IGF1: variants seen among roughly 807,000 people sequenced by gnomAD.
IGF1 encodes the protein insulin like growth factor 1.
Under a neutral mutation model 13.8 loss-of-function variants are expected in IGF1, and 4 were observed. That is an observed-to-expected ratio of 0.29 (90% CI 0.14 to 0.66). The LOEUF (loss-of-function observed/expected upper bound fraction) is 0.66. IGF1 is among the 30% of genes least tolerant of loss of function. The probability of loss-of-function intolerance (pLI) is 0.78; values close to 1 mark genes in which losing one functional copy is unlikely to be tolerated. For missense variants in IGF1, 124 were observed against 188.5 expected (o/e 0.66, Z 2.00); for synonymous variants, 76 against 72.6 (o/e 1.05, Z -0.23).
intron 2 of IGF1, among the ~76,000 whole-genome samples, chr12:102,437,594 G>A (rs923639375): frequency 3.9e-4 from 59 of 152,222 alleles, no homozygotes; most frequent in African/African-American, 1.4e-3. Flanking sequence ...GTAGAGAGTA[G>A]AATAGTGGTC....
At chr12:102,464,435 T>G (rs1880152480) in intron 2 of IGF1, among the ~76,000 whole-genome samples, 1 of 148,692 alleles carries the variant, frequency 6.7e-6, no homozygotes, top group Non-Finnish European at 1.5e-5. Flanking sequence ...CAATATCAAA[T>G]CAAGAAATTT....
rs1156402222 is a variant in IGF1, at chr12:102,401,149, A to T, written c.*1358T>A. 1 of 152,210 alleles carries T rather than the reference A, an allele frequency of 6.6e-6. No individual in the cohort carries two copies. The highest frequency in any genetic ancestry group is 2.1e-4 in the South Asian group (1 of 4,826). The allele number at this position is 152,210 out of a possible 1,614,324, so 9.4% of individuals were successfully genotyped here. ...CCTTACAGCAACCCAGGGTAAAAAA[A>T]ATCTGAATCTTTATCTTTTTAAACC... On this transcript the variant is annotated 3_prime_UTR_variant, in exon 4 of 4. Transcript: ENST00000337514.
rs1472312658 is a variant in IGF1 at position 102,398,671 on chromosome 12, T to C, written c.*3836A>G. Reference sequence around the variant, plus strand: ...TGGTGAACAGTACACTACTTGTGAGTGATAAAAAGTTGAAAGGTGGTGGTG... The same window carrying C: ...TGGTGAACAGTACACTACTTGTGAGCGATAAAAAGTTGAAAGGTGGTGGTG... On this transcript the variant is annotated 3_prime_UTR_variant, in exon 4 of 4. Coordinates refer to ENST00000337514, the MANE Select transcript of IGF1 (RefSeq NM_000618.5). The C allele has an allele frequency of 6.6e-6, 1 of 152,202 alleles. No homozygotes were observed. The highest frequency in any genetic ancestry group is 1.5e-5 in the Non-Finnish European group (1 of 68,026). 9.4% of individuals were successfully genotyped at this position (152,202 alleles called of 1,614,324 possible).
intron 2 of IGF1, among the ~76,000 whole-genome samples, chr12:102,437,989 A>G (rs1031472279): frequency 6.6e-6 from 1 of 152,246 alleles, no homozygotes; most frequent in Non-Finnish European, 1.5e-5. Context: ...TTCACACTGG[A>G]CAGACAGATC....
At chr12:102,478,076 T>G (rs904771596) in intron 1 of IGF1, among the ~76,000 whole-genome samples, 2 of 151,228 alleles carry the variant, frequency 1.3e-5, no homozygotes, top group Non-Finnish European at 2.9e-5. Flanking sequence ...GAACCTCTAG[T>G]GCATTTTCCT....
Position 102,478,374 on chromosome 12 carries a change from G to GT in IGF1, c.63+1944dup, listed in dbSNP as rs1292607875. On this transcript the variant is annotated intron_variant, in intron 1 of 3. Coordinates refer to ENST00000337514, the MANE Select transcript of IGF1 (RefSeq NM_000618.5). ...TCATTCACAAACCCAAATTTTAAAA[G>GT]TTCTTTTTTTTTTAATCTTAGATAA... 1.2e-4 allele frequency: 75 copies of GT among 633,258 alleles called. No homozygotes were observed. The African/African-American group carries it at 2.1e-3, about 17-fold the overall frequency. 39.2% of individuals were successfully genotyped at this position (633,258 alleles called of 1,614,324 possible). A position where few individuals can be genotyped will look rare whatever the true frequency, so the allele number is the denominator to read the frequency against.
chr12:102,415,552 T>TTCCTTCCC (rs1875038991), intron 3 of IGF1, among the ~76,000 whole-genome samples: 1 of 123,456 alleles, frequency 8.1e-6, no homozygotes, highest in Non-Finnish European at 1.7e-5. Flanking sequence ...CTTTCCTTCC[T>TTCCTTCCC]TCCTTCCTTC....
At chr12:102,440,253 C>G (rs1592782637) in intron 2 of IGF1, among the ~76,000 whole-genome samples, 1 of 152,200 alleles carries the variant, frequency 6.6e-6, no homozygotes, top group African/African-American at 2.4e-5. Context: ...TCAGCTGCTT[C>G]CCTTCTCCAG....
At chr12:102,431,137 C>T (rs1329005584) in intron 2 of IGF1, among the ~76,000 whole-genome samples, 1 of 152,190 alleles carries the variant, frequency 6.6e-6, no homozygotes, top group Non-Finnish European at 1.5e-5. Context: ...TGAACTTCTG[C>T]ATTTCTCTGA....
intron 2 of IGF1, among the ~76,000 whole-genome samples, chr12:102,433,906 C>G (rs1207406349): frequency 1.3e-5 from 2 of 152,154 alleles, no homozygotes; most frequent in Non-Finnish European, 2.9e-5. Context: ...GAGCTTGAGA[C>G]AGCTTGTGGC....
At chr12:102,449,201 T>G (rs1288214099) in intron 2 of IGF1, among the ~76,000 whole-genome samples, 1 of 152,080 alleles carries the variant, frequency 6.6e-6, no homozygotes, top group Non-Finnish European at 1.5e-5. Context: ...ATATACACCA[T>G]AGAATACTAT....
intron 2 of IGF1, chr12:102,463,061 T>C (rs1880044973): frequency 6.6e-6 from 1 of 152,208 alleles, no homozygotes; most frequent in East Asian, 1.9e-4. Context: ...AAGTCGCAGC[T>C]GAAATTTGTT....
At chr12:102,429,967 C>T (rs978266221) in intron 2 of IGF1, among the ~76,000 whole-genome samples, 4 of 152,128 alleles carry the variant, frequency 2.6e-5, no homozygotes, top group Non-Finnish European at 4.4e-5. Flanking sequence ...CTTGAGAATA[C>T]GCAATGTGAG....
At chr12:102,423,600 T>C (rs1323772392) in intron 2 of IGF1, among the ~76,000 whole-genome samples, 4 of 152,196 alleles carry the variant, frequency 2.6e-5, no homozygotes, top group African/African-American at 9.7e-5. Flanking sequence ...CTGCTGTATC[T>C]TAAAAGTTGG....
At chr12:102,461,120 T>G (rs1021367469) in intron 2 of IGF1, among the ~76,000 whole-genome samples, 29 of 152,188 alleles carry the variant, frequency 1.9e-4, no homozygotes, top group Admixed American at 1.8e-3. Flanking sequence ...AAGTCTCCAA[T>G]CCAAAGGCCC....
At chr12:102,430,320 A>G (rs1876623241) in intron 2 of IGF1, among the ~76,000 whole-genome samples, 1 of 152,156 alleles carries the variant, frequency 6.6e-6, no homozygotes. Flanking sequence ...TCCCTTTGGG[A>G]AAAAGGAGAA....
intron 3 of IGF1, among the ~76,000 whole-genome samples, chr12:102,406,429 A>G (rs1215159690): frequency 2.0e-5 from 3 of 152,206 alleles, no homozygotes; most frequent in Non-Finnish European, 4.4e-5. Flanking sequence ...CTTGTCCAAT[A>G]CAAACAAACC....
intron 2 of IGF1, chr12:102,463,042 T>C (rs983567411): frequency 3.9e-5 from 6 of 152,166 alleles, no homozygotes; most frequent in African/African-American, 1.4e-4. Context: ...CCTTTGACCA[T>C]ATTAGATAAA....
At chr12:102,421,523 G>A (rs1002366461) in intron 2 of IGF1, among the ~76,000 whole-genome samples, 1 of 152,098 alleles carries the variant, frequency 6.6e-6, no homozygotes, top group Admixed American at 6.5e-5. Context: ...TTGTGGGTGG[G>A]GAGGAAGGAA....
Sources: gnomAD v4.1 joint callset for allele counts (sites outside exome capture counted in the v4.1 genomes callset) on GRCh38, gnomAD v4.1.1 for gene constraint, MANE v1.5 for transcripts, NCBI Gene and HGNC (gene_info 2026-07-23, HGNC 2026-07-21) for gene names.